Variants in LPAR1 observed in about 807,000 individuals in gnomAD.
LPAR1 encodes the protein LPA receptor 1.
A neutral mutation model predicts 23.8 loss-of-function variants in LPAR1; 5 were observed. The ratio of observed to expected loss-of-function variants is 0.21; its 90% CI spans 0.11 to 0.44. The LOEUF (loss-of-function observed/expected upper bound fraction) is 0.44. Ranked by LOEUF, LPAR1 falls within the 20% of genes least tolerant of loss-of-function variation. The pLI, the probability that LPAR1 is intolerant of heterozygous loss-of-function variation, is 0.99. For synonymous variants in LPAR1, 160 were observed against 164.7 expected (o/e 0.97, Z 0.22); for missense variants, 311 against 482.8 (o/e 0.64, Z 3.33).
chr9:110,950,995 T>C (rs1455977852), intron 4 of LPAR1, among the ~76,000 whole-genome samples: 2 of 152,114 alleles, frequency 1.3e-5, no homozygotes, highest in African/African-American at 4.8e-5. Flanking sequence ...GTTAGGACAT[T>C]GTGATATTGG....
At chr9:110,969,693 T>C (rs35322418) in intron 4 of LPAR1, among the ~76,000 whole-genome samples, 2 of 149,798 alleles carry the variant, frequency 1.3e-5, no homozygotes, top group Non-Finnish European at 3.0e-5. Context: ...GCCTGGGCAA[T>C]AGAATGAGAC....
chr9:111,021,026 T>A (rs1164883642), intron 2 of LPAR1, among the ~76,000 whole-genome samples: 1 of 152,160 alleles, frequency 6.6e-6, no homozygotes, highest in Non-Finnish European at 1.5e-5. Flanking sequence ...AATAACATAT[T>A]CACGTTACAA....
chr9:110,972,023 T>A (rs2096440744), intron 4 of LPAR1, 50 bp downstream of exon 4: 3 of 1,507,722 alleles, frequency 2.0e-6, no homozygotes, highest in Non-Finnish European at 2.8e-6. Context: ...AGTTTAAATA[T>A]TTGACAAACT....
At chr9:111,031,257 G>A (rs908126585) in intron 2 of LPAR1, among the ~76,000 whole-genome samples, 4 of 151,932 alleles carry the variant, frequency 2.6e-5, no homozygotes, top group African/African-American at 9.7e-5. Flanking sequence ...ATGACAGGGT[G>A]ACTTCAAAAT....
intron 4 of LPAR1, among the ~76,000 whole-genome samples, chr9:110,954,051 TAAAAAGAAATCA>T (rs2095655819): frequency 6.6e-6 from 1 of 151,754 alleles, no homozygotes; most frequent in South Asian, 2.1e-4. Context: ...GATTAAACAA[TAAAAAGAAATCA>T]GAAAAGCAAT....
intron 5 of LPAR1, among the ~76,000 whole-genome samples, chr9:110,886,815 A>G (rs1369046794): frequency 6.6e-6 from 1 of 152,222 alleles, no homozygotes. Context: ...TTAAAAAATA[A>G]TAAATTGTAA....
At chr9:111,036,022 G>A (rs1381509849) in intron 2 of LPAR1, 100 bp downstream of exon 2, 1 of 152,056 alleles carries the variant, frequency 6.6e-6, no homozygotes, top group Non-Finnish European at 1.5e-5. Flanking sequence ...TGCAGCCTAC[G>A]GTATAATTTG....
At chr9:110,990,512 G>A (rs1032989533) in intron 2 of LPAR1, among the ~76,000 whole-genome samples, 2 of 152,126 alleles carry the variant, frequency 1.3e-5, no homozygotes, top group African/African-American at 4.8e-5. Context: ...GTCAAAGGAG[G>A]TAATTAAAAA....
chr9:111,038,443 G>A lies in LPAR1; in HGVS notation c.-538C>T, dbSNP rs1395831325. On this transcript the variant is annotated 5_prime_UTR_variant, in exon 1 of 6. Coordinates refer to ENST00000683809, the MANE Select transcript of LPAR1 (RefSeq NM_001351411.2). This position sits in a 1 kb window ranked among gnomAD's most constrained non-coding sequence, Gnocchi z 4.4. ...GCTGGAGACGGAGTCGCCACTCAGG[G>A]AGCGTCAGCCGCCAGTCGGCCCCTA... 4 of 328,626 alleles carry A rather than the reference G, an allele frequency of 1.2e-5. No homozygotes were observed. The East Asian group carries it at 5.1e-4, about 42-fold the overall frequency. 20.4% of individuals were successfully genotyped at this position (328,626 alleles called of 1,614,324 possible).
intron 2 of LPAR1, among the ~76,000 whole-genome samples, chr9:111,028,945 A>C (rs1295311423): frequency 6.6e-6 from 1 of 152,178 alleles, no homozygotes; most frequent in African/African-American, 2.4e-5. Flanking sequence ...GGGGTGTTTC[A>C]GGGATTTTTT....
At chr9:110,903,309 A>G (rs534719238) in intron 5 of LPAR1, 1 of 152,340 alleles carries the variant, frequency 6.6e-6, no homozygotes, top group South Asian at 2.1e-4. Flanking sequence ...TCAGCCAAGA[A>G]CTAGAAGTTA....
intron 2 of LPAR1, among the ~76,000 whole-genome samples, chr9:110,987,778 A>G (rs1023728033): frequency 6.6e-6 from 1 of 151,976 alleles, no homozygotes; most frequent in African/African-American, 2.4e-5. Flanking sequence ...ATGCATATAA[A>G]TGGATCTGCA....
chr9:110,996,215 G>A (rs1179187378), intron 2 of LPAR1, among the ~76,000 whole-genome samples: 5 of 151,948 alleles, frequency 3.3e-5, no homozygotes, highest in Admixed American at 3.3e-4. Context: ...GTGTGAAAAG[G>A]GATTTGATGA....
chr9:110,982,264 G>A (rs867155911), intron 2 of LPAR1, among the ~76,000 whole-genome samples: 2 of 152,028 alleles, frequency 1.3e-5, no homozygotes, highest in Non-Finnish European at 2.9e-5. Flanking sequence ...AAGAAAATGT[G>A]GTACATATAC....
intron 2 of LPAR1, among the ~76,000 whole-genome samples, chr9:110,996,897 T>G (rs944235037): frequency 3.3e-5 from 5 of 152,192 alleles, no homozygotes; most frequent in Non-Finnish European, 7.3e-5. Flanking sequence ...GATGGTCTCG[T>G]TACAGAGACT....
intron 4 of LPAR1, among the ~76,000 whole-genome samples, chr9:110,952,213 G>A (rs2095591624): frequency 6.6e-6 from 1 of 152,220 alleles, no homozygotes; most frequent in African/African-American, 2.4e-5. Flanking sequence ...GCCTGGAACA[G>A]CTCTTCGATG....
At chr9:111,017,332 C>G (rs924718199) in intron 2 of LPAR1, among the ~76,000 whole-genome samples, 1 of 152,174 alleles carries the variant, frequency 6.6e-6, no homozygotes, top group Non-Finnish European at 1.5e-5. Context: ...CACATGGTAC[C>G]TTCATTCAGT....
At chr9:111,024,563 T>C (rs2097649039) in intron 2 of LPAR1, among the ~76,000 whole-genome samples, 1 of 94,434 alleles carries the variant, frequency 1.1e-5, no homozygotes. Context: ...TACACACACA[T>C]ATATATACAC....
rs572913082 is a variant in LPAR1 at position 111,009,456 on chromosome 9, A to T, written c.-182+26666T>A. Among the ~76,000 whole-genome samples the T allele has an allele frequency of 5.3e-5, 8 of 152,262 alleles. No individual in the cohort carries two copies. The South Asian group carries it at 1.4e-3, about 28-fold the overall frequency. On this transcript the variant is annotated intron_variant, in intron 2 of 5. Coordinates refer to ENST00000683809, the MANE Select transcript of LPAR1 (RefSeq NM_001351411.2). ...TTTGATACATTCCTAAATATTTTTTAAAAAGCCACAAAGCAATATATACTT... is the reference window on the plus strand; with the variant it reads ...TTTGATACATTCCTAAATATTTTTTTAAAAGCCACAAAGCAATATATACTT...
Sources: gnomAD v4.1 joint callset for allele counts (sites outside exome capture counted in the v4.1 genomes callset) on GRCh38, gnomAD v4.1.1 for gene constraint, Gnocchi (gnomAD v3.1) non-coding constraint, MANE v1.5 for transcripts, NCBI Gene and HGNC (gene_info 2026-07-23, HGNC 2026-07-21) for gene names.